FGD4: variants seen among roughly 807,000 people sequenced by gnomAD.
FGD4 encodes FYVE, RhoGEF and PH domain containing 4.
Under a neutral mutation model 102.0 loss-of-function variants are expected in FGD4, and 42 were observed. The observed-to-expected ratio is 0.41, with a 90% CI of 0.32 to 0.53. The LOEUF is 0.53. Ranked by LOEUF, FGD4 falls within the 20% of genes least tolerant of loss-of-function variation. The pLI is 0.21. For synonymous variants in FGD4, 380 were observed against 375.7 expected (o/e 1.01, Z -0.13); for missense variants, 902 against 1,078.2 (o/e 0.84, Z 2.29).
chr12:32,451,466 A>G (rs1344872932), intron 1 of FGD4, among the ~76,000 whole-genome samples: 2 of 152,184 alleles, frequency 1.3e-5, no homozygotes, highest in Non-Finnish European at 2.9e-5. Context: ...AGAGTGCCCA[A>G]TAGAACTAGA....
In FGD4 at chr12:32,435,239, G is replaced by T. The variant is rs191108716; in HGVS notation, c.166+35280G>T. Among the ~76,000 whole-genome samples, 200 of 152,304 alleles carry T rather than the reference G, an allele frequency of 1.3e-3. 1 individual carries two copies. Among genetic ancestry groups the T allele is most frequent in the Non-Finnish European group, 1.9e-3 (130 of 68,026 alleles). ...ATTGATTACAGGTGTGAGCCACCGTGCCTGGCCACTTCATTTCTTTAAAGT... is the reference window on the plus strand; with the variant it reads ...ATTGATTACAGGTGTGAGCCACCGTTCCTGGCCACTTCATTTCTTTAAAGT... On this transcript the variant is annotated intron_variant, in intron 1 of 16. Transcript: ENST00000534526.
In FGD4 at chr12:32,440,514, T is replaced by C. The variant is rs1942395405; in HGVS notation, c.166+40555T>C. Among the ~76,000 whole-genome samples, 3 of 152,210 alleles carry C rather than the reference T, an allele frequency of 2.0e-5. No individual in the cohort carries two copies. In the South Asian group the frequency reaches 6.2e-4, roughly 32 times the overall value. ...TTCTCCCAAACATACAGAGTCCCTG[T>C]CTCTGTTCTGAGCCACATAAAGCTG... On this transcript the variant is annotated intron_variant, in intron 1 of 16. Coordinates refer to ENST00000534526, the MANE Select transcript of FGD4 (RefSeq NM_001370298.3).
At chr12:32,498,713 C>T (rs1013988602) in intron 1 of FGD4, among the ~76,000 whole-genome samples, 2 of 152,062 alleles carry the variant, frequency 1.3e-5, no homozygotes, top group African/African-American at 4.8e-5. Context: ...AAGCGATTCT[C>T]CCACTTCAGC....
At chr12:32,410,938 T>C (rs1011885193) in intron 1 of FGD4, among the ~76,000 whole-genome samples, 2 of 148,992 alleles carry the variant, frequency 1.3e-5, no homozygotes, top group Non-Finnish European at 3.0e-5. Flanking sequence ...TTTCTTTTTT[T>C]TTTTTTTTTT....
chr12:32,600,838 TA>T (rs1948379130), intron 5 of FGD4, among the ~76,000 whole-genome samples: 1 of 152,230 alleles, frequency 6.6e-6, no homozygotes, highest in Admixed American at 6.5e-5. Context: ...AAATGAGACT[TA>T]TGTCAGCAAA....
At chr12:32,462,687 C>T (rs1943140901) in intron 1 of FGD4, among the ~76,000 whole-genome samples, 1 of 152,048 alleles carries the variant, frequency 6.6e-6, no homozygotes, top group Admixed American at 6.5e-5. Context: ...TAACTGAAGA[C>T]CTTCCAGGCT....
At chr12:32,609,409 C>T (rs1388352464) in intron 8 of FGD4, among the ~76,000 whole-genome samples, 1 of 152,122 alleles carries the variant, frequency 6.6e-6, no homozygotes, top group African/African-American at 2.4e-5. Flanking sequence ...GGTGGAAACA[C>T]TACTGCTTTT....
intron 5 of FGD4, among the ~76,000 whole-genome samples, chr12:32,600,876 G>A (rs906959877): frequency 6.6e-6 from 1 of 152,036 alleles, no homozygotes; most frequent in Non-Finnish European, 1.5e-5. Flanking sequence ...TATGTAATAA[G>A]TGAAGAAGTC....
At chr12:32,456,995 C>T (rs1942964646) in intron 1 of FGD4, among the ~76,000 whole-genome samples, 1 of 152,062 alleles carries the variant, frequency 6.6e-6, no homozygotes, top group African/African-American at 2.4e-5. Flanking sequence ...ATATTTGGGA[C>T]AAAATGAAAA....
chr12:32,405,714 G>A (rs1277987574), intron 1 of FGD4, among the ~76,000 whole-genome samples: 2 of 152,066 alleles, frequency 1.3e-5, no homozygotes, highest in Admixed American at 6.6e-5. Flanking sequence ...AAGAGGAACT[G>A]GAATTTGTTG....
chr12:32,563,064 C>T (rs1052142294), intron 1 of FGD4, among the ~76,000 whole-genome samples: 3 of 147,818 alleles, frequency 2.0e-5, no homozygotes, highest in South Asian at 4.4e-4. Context: ...ACCTCCCTCC[C>T]GGACGGGGCG....
At chr12:32,417,885 T>C (rs1941480080) in intron 1 of FGD4, among the ~76,000 whole-genome samples, 1 of 151,984 alleles carries the variant, frequency 6.6e-6, no homozygotes, top group Non-Finnish European at 1.5e-5. Flanking sequence ...ACCACAGCTC[T>C]TTTGAATTCT....
chr12:32,484,637 C>T (rs977138450), intron 1 of FGD4, among the ~76,000 whole-genome samples: 4 of 152,000 alleles, frequency 2.6e-5, no homozygotes, highest in African/African-American at 9.7e-5. Context: ...TTTCGGAGGC[C>T]GAGGTGGGTG....
rs1426752008 is a variant in FGD4 at position 32,624,696 on chromosome 12, A to G, written c.1953+244A>G. On this transcript the variant is annotated intron_variant, in intron 12 of 16. Transcript: ENST00000534526. ...GCCATGCTGCCCAGGCTGATCTCGA[A>G]CTCCTGAGCTCAAGCGATCTGCCTG... 19 of 666,472 alleles carry G rather than the reference A, an allele frequency of 2.9e-5. No homozygotes were observed. The East Asian group carries it at 5.1e-4, about 18-fold the overall frequency. The allele number at this position is 666,472 out of a possible 1,614,324, so 41.3% of individuals were successfully genotyped here. A position where few individuals can be genotyped will look rare whatever the true frequency, so the allele number is the denominator to read the frequency against.
intron 1 of FGD4, among the ~76,000 whole-genome samples, chr12:32,459,770 C>T (rs1943051033): frequency 6.6e-6 from 1 of 151,924 alleles, no homozygotes; most frequent in Non-Finnish European, 1.5e-5. Context: ...ATGATGACAG[C>T]TCACTGCAGC....
At chr12:32,401,448 C>T (rs546065025) in intron 1 of FGD4, among the ~76,000 whole-genome samples, 4 of 152,014 alleles carry the variant, frequency 2.6e-5, no homozygotes, top group South Asian at 2.1e-4. Context: ...TTAGTAGATA[C>T]GGGGGTTTCA....
chr12:32,475,062 C>A (rs1022751003), intron 1 of FGD4, among the ~76,000 whole-genome samples: 2 of 152,176 alleles, frequency 1.3e-5, no homozygotes, highest in Non-Finnish European at 2.9e-5. Flanking sequence ...TTCACTGGTG[C>A]ATAGCATTTC....
At chr12:32,523,231 T>A (rs941563639) in intron 1 of FGD4, among the ~76,000 whole-genome samples, 13 of 152,202 alleles carry the variant, frequency 8.5e-5, no homozygotes, top group African/African-American at 2.4e-5. Flanking sequence ...AAGGAGAGGC[T>A]GCTGAGGTTG....
intron 4 of FGD4, among the ~76,000 whole-genome samples, chr12:32,598,248 G>GA (rs1191895562): frequency 7.9e-5 from 12 of 152,288 alleles, no homozygotes; most frequent in Middle Eastern, 3.4e-3. Flanking sequence ...AGATTTCCAG[G>GA]AAAAAGGTAG....
Sources: gnomAD v4.1 joint callset for allele counts (sites outside exome capture counted in the v4.1 genomes callset) on GRCh38, gnomAD v4.1.1 for gene constraint, MANE v1.5 for transcripts, NCBI Gene and HGNC (gene_info 2026-07-23, HGNC 2026-07-21) for gene names.